Variants in IQSEC1 observed in about 807,000 individuals in gnomAD.
IQSEC1 encodes the protein IQ motif and SEC7 domain-containing protein 1.
Under a neutral mutation model 91.0 loss-of-function variants are expected in IQSEC1, and 31 were observed. That is an observed-to-expected ratio of 0.34 (90% CI 0.26 to 0.46). IQSEC1 has a LOEUF of 0.46. IQSEC1 is among the 20% of genes least tolerant of loss of function. IQSEC1 has a pLI of 1.00. For missense variants in IQSEC1, 1,388 were observed against 1,575.6 expected, an observed-to-expected ratio of 0.88 and a Z score of 2.02; for synonymous variants, 699 against 662.6, an observed-to-expected ratio of 1.05 and a Z score of -0.84.
At position 13,111,053 on chromosome 3, in the gene IQSEC1, C is replaced by T. The variant is rs73016632; in HGVS notation, c.302+53051G>A. Among the ~76,000 whole-genome samples the T allele has an allele frequency of 6.2e-3, 952 of 152,322 alleles. 6 individuals are homozygous for T. Among genetic ancestry groups the T allele is most frequent in the Non-Finnish European group, 9.8e-3 (665 of 68,028 alleles). Reference sequence around the variant, plus strand: ...GAGGAACGGCCAGGGCCCCTGCCACCCAGCAAAGTGCGCCAGAGAGTGCTC... The same window carrying T: ...GAGGAACGGCCAGGGCCCCTGCCACTCAGCAAAGTGCGCCAGAGAGTGCTC... On this transcript the variant is annotated intron_variant, in intron 2 of 15. Coordinates refer to the IQSEC1 transcript ENST00000648114.
At chr3:12,925,297 C>T (rs966537121) in intron 3 of IQSEC1, among the ~76,000 whole-genome samples, 11 of 152,176 alleles carry the variant, frequency 7.2e-5, no homozygotes, top group Non-Finnish European at 2.9e-5. Context: ...ACAGCACCGG[C>T]GGGGAGAAAT....
At chr3:13,096,107 C>T (rs1456244629) in intron 2 of IQSEC1, among the ~76,000 whole-genome samples, 3 of 152,166 alleles carry the variant, frequency 2.0e-5, no homozygotes, top group Non-Finnish European at 1.5e-5. Flanking sequence ...GGTGAAAATG[C>T]CCAGCACCCT....
At chr3:13,254,850 G>C (rs376409698) in intron 1 of IQSEC1, among the ~76,000 whole-genome samples, 14 of 152,326 alleles carry the variant, frequency 9.2e-5, no homozygotes, top group African/African-American at 3.4e-4. Context: ...GCCCAGGGCT[G>C]CCCAGCTTTC....
chr3:12,996,596 TA>T (rs1702235517), intron 1 of IQSEC1, among the ~76,000 whole-genome samples: 1 of 151,782 alleles, frequency 6.6e-6, no homozygotes, highest in Non-Finnish European at 1.5e-5. Flanking sequence ...ATAAACAAAG[TA>T]AAAAAGACAA....
intron 2 of IQSEC1, among the ~76,000 whole-genome samples, chr3:13,127,637 A>G (rs1012973967): frequency 6.6e-6 from 1 of 152,132 alleles, no homozygotes; most frequent in Non-Finnish European, 1.5e-5. Flanking sequence ...TACATCTTGT[A>G]ATAAGCTTAT....
chr3:13,018,073 C>A (rs1218183467), intron 1 of IQSEC1, among the ~76,000 whole-genome samples: 2 of 152,128 alleles, frequency 1.3e-5, no homozygotes, highest in Non-Finnish European at 2.9e-5. Flanking sequence ...CAGGGCCAGG[C>A]CACTTCAGTG....
At chr3:13,116,238 C>T (rs1706333318) in intron 2 of IQSEC1, among the ~76,000 whole-genome samples, 1 of 152,138 alleles carries the variant, frequency 6.6e-6, no homozygotes, top group South Asian at 2.1e-4. Context: ...CAGGGGCAGC[C>T]GATGGGGCCG....
At chr3:12,987,512 A>C (rs1701800418) in intron 1 of IQSEC1, among the ~76,000 whole-genome samples, 1 of 152,280 alleles carries the variant, frequency 6.6e-6, no homozygotes, top group African/African-American at 2.4e-5. Context: ...TGAAAGGTGA[A>C]TAACGAGAAT....
At position 13,207,154 on chromosome 3, in the gene IQSEC1, C is replaced by G. The variant is rs1250807352; in HGVS notation, c.273-43021G>C. On this transcript the variant is annotated intron_variant, in intron 1 of 15. Coordinates refer to the IQSEC1 transcript ENST00000648114. The surrounding 1 kb of genome is among the most constrained non-coding windows in gnomAD (Gnocchi z 4.8). ...GACCACCCAACTTGTGCCCTCACCACCCACCTATCCTTGTCACCTGATGTC... is the reference window on the plus strand; with the variant it reads ...GACCACCCAACTTGTGCCCTCACCAGCCACCTATCCTTGTCACCTGATGTC... Among the ~76,000 whole-genome samples, 2 of 152,114 alleles carry G rather than the reference C, an allele frequency of 1.3e-5. No individual in the cohort carries two copies. Among genetic ancestry groups the G allele is most frequent in the Non-Finnish European group, 2.9e-5 (2 of 68,020 alleles).
chr3:13,074,736 G>A (rs755919932), upstream of IQSEC1, among the ~76,000 whole-genome samples: 29 of 152,324 alleles, frequency 1.9e-4, no homozygotes, highest in Non-Finnish European at 3.8e-4. Context: ...CTGGGAATCG[G>A]CTGGATGTGG....
intron 2 of IQSEC1, among the ~76,000 whole-genome samples, chr3:13,131,404 G>C (rs779781304): frequency 2.0e-5 from 3 of 148,800 alleles, no homozygotes; most frequent in Non-Finnish European, 4.4e-5. Context: ...TAACCTAAAG[G>C]TCACTGCCTT....
rs1019676681 is a variant in IQSEC1, at chr3:12,901,483, T to C, written c.2845A>G (p.Thr949Ala). 2 of 1,549,908 alleles carry C rather than the reference T, an allele frequency of 1.3e-6. No individual in the cohort carries two copies. The highest frequency in any genetic ancestry group is 2.4e-5 in the East Asian group (1 of 40,916). ...CGAGATGGACACTCTCGTGTTGATG[T>C]AGCTCTCCGGCGCATGTGAGGACTG... is the stretch of plus-strand genomic sequence containing the variant. ...ISSPHMRRRA[T>A]STRECPSRPH... The change falls in exon 14 of 14, where the codon ACA (threonine) becomes GCA (alanine). Residue 949 changes from threonine (T) to alanine (A), a missense_variant. Transcript: ENST00000613206.
At chr3:13,185,095 G>A (rs1011532711) in intron 1 of IQSEC1, among the ~76,000 whole-genome samples, 1 of 152,158 alleles carries the variant, frequency 6.6e-6, no homozygotes, top group African/African-American at 2.4e-5. Context: ...TCCCACCCAC[G>A]CAGACTGGGG....
chr3:12,961,279 C>G (rs1176419081), intron 1 of IQSEC1, among the ~76,000 whole-genome samples: 2 of 152,244 alleles, frequency 1.3e-5, no homozygotes, highest in African/African-American at 4.8e-5. Context: ...GGCTGGGGGC[C>G]TCTACCTTGA....
upstream of IQSEC1, among the ~76,000 whole-genome samples, chr3:13,078,413 C>G (rs1705596053): frequency 6.6e-6 from 1 of 152,184 alleles, no homozygotes; most frequent in African/African-American, 2.4e-5. Context: ...GACAGAGCCC[C>G]AGGATGTGGG....
intron 1 of IQSEC1, among the ~76,000 whole-genome samples, chr3:12,972,045 A>AC (rs34973991): frequency 3.3e-5 from 5 of 150,388 alleles, no homozygotes; most frequent in Non-Finnish European, 7.4e-5. Context: ...AAACAAACAA[A>AC]AACAAAAGGC....
At chr3:13,054,149 C>T (rs1049337917) in intron 1 of IQSEC1, among the ~76,000 whole-genome samples, 3 of 152,324 alleles carry the variant, frequency 2.0e-5, no homozygotes, top group South Asian at 2.1e-4. Flanking sequence ...CTGTCTCTCT[C>T]GTTGGCCCTG....
chr3:13,141,484 C>T (rs1706799096), intron 2 of IQSEC1, among the ~76,000 whole-genome samples: 1 of 152,190 alleles, frequency 6.6e-6, no homozygotes, highest in Non-Finnish European at 1.5e-5. Flanking sequence ...AACCTCCCTT[C>T]TTGCTTAAAA....
In IQSEC1 at chr3:13,162,136, C is replaced by T. The variant is rs527517540; in HGVS notation, c.302+1968G>A. Among the ~76,000 whole-genome samples, 55 of 152,366 alleles carry T rather than the reference C, an allele frequency of 3.6e-4. No homozygotes were observed. The South Asian group carries it at 0.011, about 30-fold the overall frequency. ...TTCACTCTACATGTTCACTAGCCCCCGCTCAGGTCACCAGTGAGAGCAGGC... is the reference window on the plus strand; with the variant it reads ...TTCACTCTACATGTTCACTAGCCCCTGCTCAGGTCACCAGTGAGAGCAGGC... On this transcript the variant is annotated intron_variant, in intron 2 of 15. Transcript: ENST00000648114.
Sources: allele counts gnomAD v4.1 joint callset (sites outside exome capture counted in the v4.1 genomes callset), GRCh38; gene constraint gnomAD v4.1.1; non-coding constraint Gnocchi (gnomAD v3.1); transcripts MANE v1.5; gene names NCBI Gene and HGNC (gene_info 2026-07-23, HGNC 2026-07-21).